CNOT4: variants seen among roughly 807,000 people sequenced by gnomAD.
CNOT4 encodes the protein CCR4-associated factor 4.
CNOT4 carries 8 observed loss-of-function variants against 73.8 expected under a neutral mutation model. That is an observed-to-expected ratio of 0.11 (90% CI 0.06 to 0.20). CNOT4 has a LOEUF of 0.20. Ranked by LOEUF, CNOT4 falls within the 10% of genes least tolerant of loss-of-function variation. CNOT4 has a pLI of 1.00. For synonymous variants in CNOT4, 293 were observed against 321.1 expected (o/e 0.91, Z 0.94); for missense variants, 564 against 883.4 (o/e 0.64, Z 4.58).
chr7:135,487,558 C>G (rs377501342), intron 1 of CNOT4, among the ~76,000 whole-genome samples: 1 of 151,962 alleles, frequency 6.6e-6, no homozygotes, highest in African/African-American at 2.4e-5. Flanking sequence ...CGTACCTAAG[C>G]AGGTATTATG....
chr7:135,481,925 T>A (rs887384388), intron 1 of CNOT4, among the ~76,000 whole-genome samples: 12 of 152,132 alleles, frequency 7.9e-5, no homozygotes, highest in African/African-American at 2.9e-4. Context: ...TACTAGAGGC[T>A]GCAGAGGGTG....
chr7:135,398,085 T>C (rs1247676765), intron 8 of CNOT4, 84 bp downstream of exon 8: 1 of 759,788 alleles, frequency 1.3e-6, no homozygotes, highest in African/African-American at 1.8e-5. Flanking sequence ...GTCAGTAAAG[T>C]ATTTTTAGAA....
At chr7:135,443,564 G>T (rs1320183771) in intron 1 of CNOT4, among the ~76,000 whole-genome samples, 1 of 152,184 alleles carries the variant, frequency 6.6e-6, no homozygotes. Flanking sequence ...ATACTTGGAA[G>T]TGGAGTGCAA....
chr7:135,433,250 A>G (rs996662628), intron 2 of CNOT4, among the ~76,000 whole-genome samples: 2 of 150,724 alleles, frequency 1.3e-5, no homozygotes, highest in Non-Finnish European at 2.9e-5. Context: ...TCTCAACTTC[A>G]TCTTCCAATG....
intron 7 of CNOT4, among the ~76,000 whole-genome samples, chr7:135,404,139 C>T (rs1460219834): frequency 1.3e-5 from 2 of 152,194 alleles, no homozygotes; most frequent in Admixed American, 6.5e-5. Context: ...TGCACATGTG[C>T]ACTAACTCTG....
At chr7:135,427,878 G>GGGGTA in intron 2 of CNOT4, among the ~76,000 whole-genome samples, 1 of 152,250 alleles carries the variant, frequency 6.6e-6, no homozygotes, top group Admixed American at 6.5e-5. Flanking sequence ...AACAATAAAT[G>GGGGTA]GGGTAGGGAG....
chr7:135,468,965 A>C (rs746820469), intron 1 of CNOT4, among the ~76,000 whole-genome samples: 8 of 152,174 alleles, frequency 5.3e-5, no homozygotes, highest in South Asian at 4.1e-4. Context: ...ATGGAGAAAG[A>C]AGCAGCATGT....
At chr7:135,462,630 A>C (rs1034998355) in intron 1 of CNOT4, among the ~76,000 whole-genome samples, 5 of 152,242 alleles carry the variant, frequency 3.3e-5, no homozygotes, top group African/African-American at 1.2e-4. Flanking sequence ...ACCTCTTAAC[A>C]TGCAAATATT....
intron 1 of CNOT4, among the ~76,000 whole-genome samples, chr7:135,468,027 A>G (rs1801331314): frequency 6.6e-6 from 1 of 151,876 alleles, no homozygotes; most frequent in Non-Finnish European, 1.5e-5. Context: ...CATCCTGGCT[A>G]ACACGGTGAA....
intron 9 of CNOT4, 44 bp from the exon 10 acceptor site, chr7:135,394,459 A>C: frequency 2.1e-6 from 3 of 1,455,354 alleles, no homozygotes; most frequent in Non-Finnish European, 1.9e-6. Context: ...TACATAGCTC[A>C]TTTTCATACT....
intron 1 of CNOT4, among the ~76,000 whole-genome samples, chr7:135,467,665 C>A (rs1198539190): frequency 6.6e-6 from 1 of 152,102 alleles, no homozygotes; most frequent in African/African-American, 2.4e-5. Context: ...GAGCTATGAT[C>A]ATGCTACTGC....
At chr7:135,495,683 AAAAAAAAAAAGAAAGAAAGAAAG>A (rs1563083383) in intron 1 of CNOT4, among the ~76,000 whole-genome samples, 13 of 97,254 alleles carry the variant, frequency 1.3e-4, no homozygotes, top group East Asian at 3.1e-4. Context: ...AAAAAAAAAA[AAAAAAAAAAAGAAAGAAAGAAAG>A]AAAGAAAGAA....
At chr7:135,402,084 G>A (rs1259896197) in intron 7 of CNOT4, among the ~76,000 whole-genome samples, 2 of 148,256 alleles carry the variant, frequency 1.3e-5, no homozygotes, top group Non-Finnish European at 3.0e-5. Flanking sequence ...GTCCTAAATT[G>A]TTTTAAAAAT....
At position 135,362,655 on chromosome 7, in the gene CNOT4, C is replaced by T. The variant is rs1315786428; in HGVS notation, c.*230G>A. 4 of 636,960 alleles carry T rather than the reference C, an allele frequency of 6.3e-6. No homozygotes were observed. In the South Asian group the frequency reaches 7.1e-5, roughly 11 times the overall value. The allele number at this position is 636,960 out of a possible 1,614,324, so 39.5% of individuals were successfully genotyped here. ...CTCCTTAAAAAGGCATTTTTAGAAA[C>T]ATTCAACAGTGTCACTCAAATGCTG... is the stretch of plus-strand genomic sequence containing the variant. On this transcript the variant is annotated 3_prime_UTR_variant, in exon 12 of 12. Transcript: ENST00000541284.
Position 135,395,883 on chromosome 7 carries a change from T to A in CNOT4, c.880A>T (p.Ile294Leu), listed in dbSNP as rs777708358. ...SIGNGDNSQQ[I>L]SNSDTPSPPP... The stretch of plus-strand genomic sequence containing the variant: ...GGTGAAGGCGTATCACTGTTAGATA[T>A]CTGAATAAAAAAGGAAAACAAATAA... Residue 294 changes from isoleucine to leucine, a missense_variant and splice_region_variant, in exon 9 of 12, where the codon ATA (isoleucine) becomes TTA (leucine). Physicochemically the swap from Ile to Leu is conservative, Grantham distance 5. Transcript: ENST00000541284. 6.3e-7 allele frequency: 1 copy of A among 1,599,142 alleles called. No homozygotes were observed. The highest frequency in any genetic ancestry group is 1.1e-5 in the South Asian group (1 of 90,446).
intron 1 of CNOT4, among the ~76,000 whole-genome samples, chr7:135,503,874 C>T (rs943935468): frequency 6.6e-6 from 1 of 152,176 alleles, no homozygotes; most frequent in African/African-American, 2.4e-5. Context: ...ATTCACAAGA[C>T]GGTCCACCCA....
At chr7:135,381,060 T>C (rs1404620747) in intron 10 of CNOT4, among the ~76,000 whole-genome samples, 1 of 152,164 alleles carries the variant, frequency 6.6e-6, no homozygotes, top group Non-Finnish European at 1.5e-5. Flanking sequence ...TATTACAACC[T>C]TATTGCATTT....
intron 10 of CNOT4, among the ~76,000 whole-genome samples, chr7:135,367,737 G>A (rs1794992310): frequency 2.0e-5 from 3 of 152,098 alleles, no homozygotes; most frequent in Admixed American, 2.0e-4. Context: ...ATCTAATAAT[G>A]AGTCTTCTTA....
At chr7:135,414,297 A>T in intron 5 of CNOT4, 34 bp downstream of exon 5, 4 of 535,782 alleles carry the variant, frequency 7.5e-6, no homozygotes, top group South Asian at 2.7e-5. Context: ...GTCTTCCTTA[A>T]AAAAAAAAAA....
Sources: allele counts gnomAD v4.1 joint callset (sites outside exome capture counted in the v4.1 genomes callset), GRCh38; gene constraint gnomAD v4.1.1; transcripts MANE v1.5; gene names NCBI Gene and HGNC (gene_info 2026-07-23, HGNC 2026-07-21).